GLRX3: variants seen among roughly 807,000 people sequenced by gnomAD.
GLRX3 encodes glutaredoxin-3.
In GLRX3, 22 loss-of-function variants were observed where a neutral mutation model predicts 49.5. That is an observed-to-expected ratio of 0.44 (90% confidence interval 0.32 to 0.63). The LOEUF (loss-of-function observed/expected upper bound fraction) is 0.63, where lower values mean the gene tolerates loss of function less well. Ranked by LOEUF, GLRX3 falls within the 30% of genes least tolerant of loss-of-function variation. The pLI is 0.05. For synonymous variants in GLRX3, 133 were observed against 140.0 expected, an observed-to-expected ratio of 0.95 and a Z score of 0.35; for missense variants, 385 against 396.3, an observed-to-expected ratio of 0.97 and a Z score of 0.24.
At chr10:130,172,543 T>A (rs2046495718) in intron 8 of GLRX3, among the ~76,000 whole-genome samples, 1 of 152,268 alleles carries the variant, frequency 6.6e-6, no homozygotes, top group South Asian at 2.1e-4. Flanking sequence ...TCATGTATTC[T>A]AACTGTAGCT....
chr10:130,145,237 C>T lies in GLRX3; in HGVS notation c.119C>T (p.Ala40Val), dbSNP rs777514839. The T allele has an allele frequency of 2.5e-5, 37 of 1,509,742 alleles. No homozygotes were observed. The highest frequency in any genetic ancestry group is 3.1e-5 in the Non-Finnish European group (34 of 1,094,648). 93.5% of individuals were successfully genotyped at this position (1,509,742 alleles called of 1,614,324 possible). A position where few individuals can be genotyped will look rare whatever the true frequency, so the allele number is the denominator to read the frequency against. The change falls in exon 2 of 11, where the codon GCA becomes GTA. Residue 40 changes from alanine (A) to valine (V), a missense_variant. Physicochemically the swap from Ala to Val is moderately conservative, Grantham distance 64 (BLOSUM62 0). This residue lies in a region of GLRX3 where 374 missense variants were observed against 358.6 expected (regional missense o/e 1.04). Coordinates refer to ENST00000331244, the MANE Select transcript of GLRX3 (RefSeq NM_006541.5). ...AKSLLVVHFW[A>V]PWAPQCAQMN... ...TCCCTCCTTGTGGTCCATTTCTGGG[C>T]ACCATGGGCTCCACAGTGTGCACAG...
At position 130,175,099 on chromosome 10, in the gene GLRX3, G is replaced by A. The variant is rs1467016020; in HGVS notation, c.957+10G>A. On this transcript the variant is annotated intron_variant, in intron 10 of 10. Coordinates refer to ENST00000331244, the MANE Select transcript of GLRX3 (RefSeq NM_006541.5). ...ATTGGATATTGTGAAGGTAAGGCCA[G>A]TTCTTCTGCTGTTCTAAAGAACGGA... 3.6e-6 allele frequency: 5 copies of A among 1,382,140 alleles called. No homozygotes were observed. Among genetic ancestry groups the A allele is most frequent in the African/African-American group, 2.8e-5 (2 of 70,556 alleles). The allele number at this position is 1,382,140 out of a possible 1,614,324, so 85.6% of individuals were successfully genotyped here.
At chr10:130,148,887 A>T (rs566022453) in intron 2 of GLRX3, among the ~76,000 whole-genome samples, 77 of 151,832 alleles carry the variant, frequency 5.1e-4, no homozygotes, top group African/African-American at 1.8e-3. Context: ...ACATAGGGAG[A>T]CTTCATCTCT....
chr10:130,145,212 T>A lies in GLRX3; in HGVS notation c.94T>A (p.Ser32Thr). 7.8e-7 allele frequency: 1 copy of A among 1,277,266 alleles called. No homozygotes were observed. The highest frequency in any genetic ancestry group is 1.1e-6 in the Non-Finnish European group (1 of 895,170). 79.1% of individuals were successfully genotyped at this position (1,277,266 alleles called of 1,614,324 possible). ...FEELLRLKAK[S>T]LLVVHFWAPW... The stretch of plus-strand genomic sequence containing the variant: ...TAAATGCATTTAATTGATTTACAGG[T>A]CCCTCCTTGTGGTCCATTTCTGGGC... Residue 32 changes from serine (S) to threonine (T), a missense_variant and splice_region_variant, in exon 2 of 11, where the codon TCC becomes ACC. By Grantham distance (58) the Ser-to-Thr change is moderately conservative (BLOSUM62 1). Transcript: ENST00000331244.
At chr10:130,151,290 A>G (rs1430016904) in intron 2 of GLRX3, among the ~76,000 whole-genome samples, 1 of 152,222 alleles carries the variant, frequency 6.6e-6, no homozygotes, top group Non-Finnish European at 1.5e-5. Context: ...GGTAATTAAA[A>G]AAACCCAAAA....
chr10:130,151,130 G>A (rs1490830909), intron 2 of GLRX3, among the ~76,000 whole-genome samples: 1 of 152,058 alleles, frequency 6.6e-6, no homozygotes, highest in East Asian at 1.9e-4. Flanking sequence ...GTTTCACCGT[G>A]TTGGCCAGGC....
intron 3 of GLRX3, 34 bp downstream of exon 3, chr10:130,160,103 T>C (rs1354060107): frequency 2.3e-6 from 3 of 1,285,904 alleles, no homozygotes; most frequent in Non-Finnish European, 3.4e-6. Flanking sequence ...GATTATCCAT[T>C]TGTAGGGTGC....
intron 1 of GLRX3, among the ~76,000 whole-genome samples, chr10:130,138,165 T>A (rs1862102020): frequency 6.6e-6 from 1 of 152,050 alleles, no homozygotes; most frequent in South Asian, 2.1e-4. Flanking sequence ...CAAGCGATCC[T>A]CCCACCTCAG....
In GLRX3 at chr10:130,166,520, G is replaced by C. The variant is rs34458027; in HGVS notation, c.492G>C (p.Gln164His). Residue 164 changes from glutamine to histidine, a missense_variant, in exon 5 of 11, where the codon CAG becomes CAC. By Grantham distance (24) the Gln-to-His change is conservative (BLOSUM62 0). Transcript: ENST00000331244. ...PQEPRCGFSKQMVEILHKHNI... is the reference protein window; with the variant it reads ...PQEPRCGFSKHMVEILHKHNI... Reference sequence around the variant, plus strand: ...TTTTGTGTACAGGTTTCAGCAAGCAGATGGTGGAAATTCTTCACAAACATA... The same window carrying C: ...TTTTGTGTACAGGTTTCAGCAAGCACATGGTGGAAATTCTTCACAAACATA... 3.7e-6 allele frequency: 6 copies of C among 1,613,064 alleles called. No homozygotes were observed. The highest frequency in any genetic ancestry group is 5.1e-6 in the Non-Finnish European group (6 of 1,179,220).
chr10:130,153,717 C>T (rs960119074), intron 2 of GLRX3, among the ~76,000 whole-genome samples: 1 of 152,036 alleles, frequency 6.6e-6, no homozygotes, highest in Non-Finnish European at 1.5e-5. Context: ...CTGTCGGCCC[C>T]TACTGGGAGG....
chr10:130,179,882 G>A (rs1237641113), downstream of GLRX3, among the ~76,000 whole-genome samples: 1 of 152,170 alleles, frequency 6.6e-6, no homozygotes, highest in East Asian at 1.9e-4. Flanking sequence ...TGCTGAGCTC[G>A]GCACTGGTTA....
chr10:130,169,716 CTT>C (rs2134918994), intron 7 of GLRX3, among the ~76,000 whole-genome samples: 1 of 152,318 alleles, frequency 6.6e-6, no homozygotes, highest in South Asian at 2.1e-4. Flanking sequence ...TGCTGCCAAA[CTT>C]TGTCAGCTAA....
At chr10:130,173,345 C>T (rs577667334) in intron 8 of GLRX3, among the ~76,000 whole-genome samples, 4 of 152,184 alleles carry the variant, frequency 2.6e-5, no homozygotes, top group South Asian at 2.1e-4. Flanking sequence ...CATGACCTCC[C>T]AGCTCTGGAC....
intron 10 of GLRX3, 131 bp from the exon 11 acceptor site, chr10:130,179,209 TAA>T (rs1320041678): frequency 7.6e-5 from 43 of 562,354 alleles, no homozygotes; most frequent in Non-Finnish European, 1.3e-4. Flanking sequence ...TTGAGAGTGT[TAA>T]GAGACTGGAG....
intron 2 of GLRX3, among the ~76,000 whole-genome samples, chr10:130,148,903 ATAAAAATT>A (rs1862318975): frequency 6.6e-6 from 1 of 151,930 alleles, no homozygotes; most frequent in Non-Finnish European, 1.5e-5. Context: ...TCTCTACAGA[ATAAAAATT>A]TAAAAAACTA....
chr10:130,172,733 G>A (rs1343030618), intron 8 of GLRX3, among the ~76,000 whole-genome samples: 3 of 152,154 alleles, frequency 2.0e-5, no homozygotes, highest in Non-Finnish European at 4.4e-5. Context: ...CTTGAGGTCA[G>A]GAGTTCGAGA....
chr10:130,169,004 A>C (rs1297563734), intron 6 of GLRX3, among the ~76,000 whole-genome samples: 1 of 152,180 alleles, frequency 6.6e-6, no homozygotes, highest in Non-Finnish European at 1.5e-5. Context: ...CTGAGGTTTA[A>C]CGCTGTCACC....
intron 2 of GLRX3, among the ~76,000 whole-genome samples, chr10:130,147,766 G>T (rs1296657481): frequency 6.6e-6 from 1 of 152,210 alleles, no homozygotes; most frequent in East Asian, 1.9e-4. Context: ...TGCAGGCTGG[G>T]CGCCTCGGCT....
rs60852410 is a variant in GLRX3, at chr10:130,169,616, C to T, written c.771+126C>T. Reference sequence around the variant, plus strand: ...TGTAGCGATATCAGGAAGTTATCCACGCCTTAATTGGTGCTTACGGAGATC... The same window carrying T: ...TGTAGCGATATCAGGAAGTTATCCATGCCTTAATTGGTGCTTACGGAGATC... On this transcript the variant is annotated intron_variant, in intron 7 of 10. Transcript: ENST00000331244. 1.5e-3 allele frequency: 989 copies of T among 673,226 alleles called. 4 individuals carry two copies. The highest frequency in any genetic ancestry group is 0.014 in the African/African-American group (797 of 55,488). 41.7% of individuals were successfully genotyped at this position (673,226 alleles called of 1,614,324 possible). A position where few individuals can be genotyped will look rare whatever the true frequency, so the allele number is the denominator to read the frequency against.
Sources: gnomAD v4.1 joint callset for allele counts (sites outside exome capture counted in the v4.1 genomes callset) on GRCh38, gnomAD v4.1.1 for gene constraint, gnomAD v4.1.1 regional missense constraint, MANE v1.5 for transcripts, NCBI Gene and HGNC (gene_info 2026-07-23, HGNC 2026-07-21) for gene names.